VSTM2A: variants seen among roughly 807,000 people sequenced by gnomAD.
VSTM2A encodes V-set and transmembrane domain-containing protein 2A.
In VSTM2A, 13 loss-of-function variants were observed where a neutral mutation model predicts 27.3. The ratio of observed to expected loss-of-function variants is 0.48; its 90% confidence interval spans 0.31 to 0.76. The LOEUF (loss-of-function observed/expected upper bound fraction) is 0.76. VSTM2A is among the 30% of genes least tolerant of loss of function. The pLI is 0.05. For missense variants in VSTM2A, 280 were observed against 310.0 expected, an observed-to-expected ratio of 0.90 and a Z score of 0.73; for synonymous variants, 142 against 125.7, an observed-to-expected ratio of 1.13 and a Z score of -0.87.
chr7:54,558,569 C>T (rs1788447642), intron 4 of VSTM2A: 1 of 151,978 alleles, frequency 6.6e-6, no homozygotes, highest in East Asian at 1.9e-4. Context: ...TACCTCTTTA[C>T]CTACCAGATA....
chr7:54,568,894 A>G lies in VSTM2A; in HGVS notation c.635-237A>G, dbSNP rs1162144089. ...AGTGCATGCCAAGACATTCATGAGC[A>G]CCAGAGCCAAGCTGGCGAGCTAATT... On this transcript the variant is annotated intron_variant, in intron 4 of 4. Transcript: ENST00000402613. 4 of 1,151,674 alleles carry G rather than the reference A, an allele frequency of 3.5e-6. No homozygotes were observed. In the East Asian group the frequency reaches 1.0e-4, roughly 30 times the overall value. 71.3% of individuals were successfully genotyped at this position (1,151,674 alleles called of 1,614,324 possible).
intron 3 of VSTM2A, among the ~76,000 whole-genome samples, chr7:54,548,414 G>C (rs1414679227): frequency 6.6e-6 from 1 of 151,758 alleles, no homozygotes; most frequent in East Asian, 1.9e-4. Flanking sequence ...TATTAACTTT[G>C]AATTCCCAGG....
At chr7:54,552,936 C>A (rs1183787002) in intron 4 of VSTM2A, among the ~76,000 whole-genome samples, 1 of 152,178 alleles carries the variant, frequency 6.6e-6, no homozygotes, top group Non-Finnish European at 1.5e-5. Context: ...TAAACTGAAA[C>A]ACTCACCTCT....
chr7:54,545,953 G>T (rs1277544651), intron 2 of VSTM2A, among the ~76,000 whole-genome samples: 1 of 30,828 alleles, frequency 3.2e-5, no homozygotes. Context: ...GGAGAGCAGA[G>T]AGAATGAGGG....
At chr7:54,547,157 T>G (rs1788028442) in intron 3 of VSTM2A, 160 bp downstream of exon 3, 1 of 665,306 alleles carries the variant, frequency 1.5e-6, no homozygotes, top group African/African-American at 1.9e-5. Flanking sequence ...ACATTTAGAG[T>G]CCCTAAATAA....
At chr7:54,544,479 TG>T in intron 1 of VSTM2A, 142 bp from the exon 2 acceptor site, 3 of 990,582 alleles carry the variant, frequency 3.0e-6, no homozygotes, top group Non-Finnish European at 4.7e-6. Context: ...GGAAGGGGGC[TG>T]GGGGAACCAG....
At chr7:54,564,479 T>A (rs763162595) in intron 4 of VSTM2A, among the ~76,000 whole-genome samples, 2 of 152,202 alleles carry the variant, frequency 1.3e-5, no homozygotes, top group African/African-American at 2.4e-5. Context: ...CACAGGAAAT[T>A]AATCCATCAG....
intron 4 of VSTM2A, among the ~76,000 whole-genome samples, chr7:54,562,308 G>A (rs1449919203): frequency 1.3e-5 from 2 of 152,034 alleles, no homozygotes; most frequent in African/African-American, 4.8e-5. Context: ...TCACATATTT[G>A]GAGCCATGTT....
chr7:54,542,888 G>C lies in VSTM2A; in HGVS notation c.79+79G>C, dbSNP rs1315473539. 5.2e-6 allele frequency: 7 copies of C among 1,338,298 alleles called. No homozygotes were observed. The Admixed American group carries it at 1.3e-4, about 24-fold the overall frequency. 82.9% of individuals were successfully genotyped at this position (1,338,298 alleles called of 1,614,324 possible). On this transcript the variant is annotated intron_variant, in intron 1 of 4. Transcript: ENST00000402613. Reference sequence around the variant, plus strand: ...TACACTCAAAAAGAATGGACAGGCAGATAGAATAAGCTTCCTAGCAAGTAA... The same window carrying C: ...TACACTCAAAAAGAATGGACAGGCACATAGAATAAGCTTCCTAGCAAGTAA...
chr7:54,553,027 A>C (rs1788240003), intron 4 of VSTM2A, among the ~76,000 whole-genome samples: 1 of 152,200 alleles, frequency 6.6e-6, no homozygotes, highest in South Asian at 2.1e-4. Context: ...TTTTATATAA[A>C]ATCTTCAAAT....
At chr7:54,556,356 C>T (rs558754021) in intron 4 of VSTM2A, among the ~76,000 whole-genome samples, 1 of 152,268 alleles carries the variant, frequency 6.6e-6, no homozygotes, top group South Asian at 2.1e-4. Context: ...GCAGCTGCTG[C>T]AACAGCTGCC....
At chr7:54,550,317 C>A (rs2293343) in intron 4 of VSTM2A, 147 bp downstream of exon 4, 1 of 1,470,566 alleles carries the variant, frequency 6.8e-7, no homozygotes, top group Non-Finnish European at 9.0e-7. Context: ...AGGTGAGCAC[C>A]GAGCCTGCAC....
At chr7:54,566,163 A>G (rs1187085560) in intron 4 of VSTM2A, among the ~76,000 whole-genome samples, 1 of 152,208 alleles carries the variant, frequency 6.6e-6, no homozygotes, top group Non-Finnish European at 1.5e-5. Context: ...GACGTTATGA[A>G]ATGGCATTCT....
intron 4 of VSTM2A, among the ~76,000 whole-genome samples, chr7:54,561,193 G>T (rs981597878): frequency 1.3e-5 from 2 of 152,204 alleles, no homozygotes; most frequent in African/African-American, 4.8e-5. Context: ...TATAAGGGTT[G>T]TGAAGATAGG....
chr7:54,560,088 ATGGTAAACAGT>A, intron 4 of VSTM2A: 1 of 152,180 alleles, frequency 6.6e-6, no homozygotes, highest in South Asian at 2.1e-4. Flanking sequence ...CAATTAAAAA[ATGGTAAACAGT>A]TGTCTCATGA....
chr7:54,568,016 A>G (rs1025431807), intron 4 of VSTM2A, among the ~76,000 whole-genome samples: 1 of 152,230 alleles, frequency 6.6e-6, no homozygotes, highest in African/African-American at 2.4e-5. Context: ...GGTCTTCTCC[A>G]GTCACTAGGT....
chr7:54,543,337 C>G (rs1787845535), intron 1 of VSTM2A, among the ~76,000 whole-genome samples: 1 of 152,020 alleles, frequency 6.6e-6, no homozygotes, highest in Non-Finnish European at 1.5e-5. Context: ...CTGCTGAACC[C>G]GATTGTTCAG....
At chr7:54,546,863 C>A in intron 2 of VSTM2A, 84 bp from the exon 3 acceptor site, 2 of 1,550,346 alleles carry the variant, frequency 1.3e-6, no homozygotes, top group Non-Finnish European at 1.7e-6. Flanking sequence ...CGGCCCTGCC[C>A]GGAGCCGCGA....
At chr7:54,550,197 A>G (rs1240115664) in intron 4 of VSTM2A, 27 bp downstream of exon 4, 9 of 1,567,806 alleles carry the variant, frequency 5.7e-6, no homozygotes, top group Non-Finnish European at 7.8e-6. Flanking sequence ...CGAGCCTTTT[A>G]TTTTACCACT....
Sources: allele counts gnomAD v4.1 joint callset (sites outside exome capture counted in the v4.1 genomes callset), GRCh38; gene constraint gnomAD v4.1.1; transcripts MANE v1.5; gene names NCBI Gene and HGNC (gene_info 2026-07-23, HGNC 2026-07-21).